Variants in PRCC observed in about 807,000 individuals in gnomAD.
The protein encoded by PRCC is proline rich mitotic checkpoint control factor.
Under a neutral mutation model 44.0 loss-of-function variants are expected in PRCC, and 10 were observed. The observed-to-expected ratio is 0.23, with a 90% CI of 0.14 to 0.39. The LOEUF (loss-of-function observed/expected upper bound fraction) is 0.39. Among genes scored for constraint, PRCC ranks in the 10% least tolerant of loss-of-function variants. The pLI is 1.00. For missense variants in PRCC, 573 were observed against 624.7 expected, an observed-to-expected ratio of 0.92 and a Z score of 0.88; for synonymous variants, 278 against 259.5, an observed-to-expected ratio of 1.07 and a Z score of -0.69.
intron 1 of PRCC, among the ~76,000 whole-genome samples, chr1:156,778,826 T>G (rs1289779079): frequency 6.8e-6 from 1 of 146,990 alleles, no homozygotes; most frequent in Admixed American, 6.8e-5. Flanking sequence ...TTAGATGGAG[T>G]TTTGCTCTTG....
At chr1:156,775,355 GT>G (rs879585465) in intron 1 of PRCC, among the ~76,000 whole-genome samples, 81 of 142,122 alleles carry the variant, frequency 5.7e-4, no homozygotes, top group Non-Finnish European at 7.6e-4. Context: ...TCTTTCTTTT[GT>G]TTTTTTTTTT....
intron 5 of PRCC, among the ~76,000 whole-genome samples, chr1:156,795,097 C>T (rs1366101129): frequency 6.6e-6 from 1 of 152,112 alleles, no homozygotes; most frequent in African/African-American, 2.4e-5. Flanking sequence ...TCAGGCTGCA[C>T]AGAATCCACA....
At chr1:156,775,884 C>T (rs985019256) in intron 1 of PRCC, among the ~76,000 whole-genome samples, 3 of 152,196 alleles carry the variant, frequency 2.0e-5, no homozygotes, top group Non-Finnish European at 2.9e-5. Flanking sequence ...TGGGCTCAAG[C>T]AGTCCTCCCA....
In PRCC at chr1:156,786,688, C is replaced by T. The variant is rs1211496271; in HGVS notation, c.597C>T (p.Leu199=). 6.2e-7 allele frequency: 1 copy of T among 1,614,194 alleles called. No homozygotes were observed. The part of the protein sequence containing the change: ...NLTVKETNRL[L]LPHAFSRKPS... ...CTGTGAAAGAGACTAACAGGTTGCT[C>T]CTGCCCCATGCCTTCTCCCGCAAAC... Residue 199 remains leucine (L), a synonymous_variant, in exon 3 of 7, where the codon CTC becomes CTT. Coordinates refer to ENST00000271526, the MANE Select transcript of PRCC (RefSeq NM_005973.5).
At chr1:156,791,490 T>C in intron 3 of PRCC, 1 of 581,554 alleles carries the variant, frequency 1.7e-6, no homozygotes, top group Non-Finnish European at 3.1e-6. Flanking sequence ...CTGGATAGTG[T>C]AGATGAGAAA....
chr1:156,775,044 C>A (rs900798003), intron 1 of PRCC, among the ~76,000 whole-genome samples: 1 of 151,382 alleles, frequency 6.6e-6, no homozygotes, highest in Non-Finnish European at 1.5e-5. Context: ...GTCAGGAGAT[C>A]GAGAGCATCC....
intron 6 of PRCC, 27 bp from the exon 7 acceptor site, chr1:156,800,347 C>A: frequency 6.2e-7 from 1 of 1,609,688 alleles, no homozygotes; most frequent in South Asian, 1.1e-5. Context: ...CAGTTTGACC[C>A]TCCCCTACCC....
Position 156,786,398 on chromosome 1 carries a change from C to T in PRCC, c.517-210C>T, listed in dbSNP as rs2102765025. Among the ~76,000 whole-genome samples the T allele has an allele frequency of 2.6e-5, 4 of 152,264 alleles. No homozygotes were observed. In the South Asian group the frequency reaches 8.3e-4, roughly 32 times the overall value. On this transcript the variant is annotated intron_variant, in intron 2 of 6. Coordinates refer to ENST00000271526, the MANE Select transcript of PRCC (RefSeq NM_005973.5). ...GGAAGAGAAGAGGAATGATACCTCACCTTGGGAGAAGCAGCCCGCAGAAAG... is the reference window on the plus strand; with the variant it reads ...GGAAGAGAAGAGGAATGATACCTCATCTTGGGAGAAGCAGCCCGCAGAAAG...
At chr1:156,787,652 T>TTTTTC (rs1283956616) in intron 3 of PRCC, among the ~76,000 whole-genome samples, 52 of 3,642 alleles carry the variant, frequency 0.014, 7 homozygotes, top group Admixed American at 0.14. Flanking sequence ...TTTTTGGCCT[T>TTTTTC]TTTTTTTTTT....
intron 1 of PRCC, among the ~76,000 whole-genome samples, chr1:156,775,582 CT>C: frequency 6.6e-6 from 1 of 151,124 alleles, no homozygotes; most frequent in Non-Finnish European, 1.5e-5. Context: ...GCAATCTCAG[CT>C]CACTGCAACC....
chr1:156,768,675 ATCAGGCC>A (rs1651512697), intron 1 of PRCC, among the ~76,000 whole-genome samples: 1 of 152,226 alleles, frequency 6.6e-6, no homozygotes, highest in East Asian at 1.9e-4. Flanking sequence ...ACTCAAAAGC[ATCAGGCC>A]TGGAGGAAAA....
At chr1:156,794,449 T>C (rs1241919311) in intron 4 of PRCC, among the ~76,000 whole-genome samples, 1 of 152,186 alleles carries the variant, frequency 6.6e-6, no homozygotes, top group Non-Finnish European at 1.5e-5. Context: ...ACCTCTTAGC[T>C]TCCCTTTTCC....
At chr1:156,776,349 A>T (rs1651827430) in intron 1 of PRCC, among the ~76,000 whole-genome samples, 1 of 152,230 alleles carries the variant, frequency 6.6e-6, no homozygotes, top group Non-Finnish European at 1.5e-5. Context: ...CAGCCTGGGC[A>T]CAACAGAGCA....
intron 2 of PRCC, among the ~76,000 whole-genome samples, chr1:156,785,781 A>G (rs2102764565): frequency 6.7e-6 from 1 of 149,118 alleles, no homozygotes; most frequent in South Asian, 2.1e-4. Context: ...GGTCTCGCTC[A>G]GGGTTAGCTT....
At chr1:156,775,601 C>T (rs369821009) in intron 1 of PRCC, among the ~76,000 whole-genome samples, 1 of 151,590 alleles carries the variant, frequency 6.6e-6, no homozygotes, top group Non-Finnish European at 1.5e-5. Context: ...ACCGCCGCCT[C>T]CCGGGTTCAA....
chr1:156,786,496 G>C (rs1558051174), intron 2 of PRCC, 112 bp from the exon 3 acceptor site: 5 of 1,133,714 alleles, frequency 4.4e-6, no homozygotes, highest in Non-Finnish European at 6.2e-6. Flanking sequence ...ACAAGGGCTG[G>C]TAAGATTTTA....
intron 4 of PRCC, among the ~76,000 whole-genome samples, chr1:156,793,787 C>T (rs966068527): frequency 2.6e-5 from 4 of 151,890 alleles, no homozygotes; most frequent in East Asian, 1.9e-4. Context: ...CCACCACACC[C>T]GGCTAATTTT....
intron 1 of PRCC, among the ~76,000 whole-genome samples, chr1:156,776,463 TAG>T (rs34667125): frequency 0.26 from 38,274 of 144,908 alleles, 4,917 homozygotes; most frequent in Middle Eastern, 0.35. Context: ...GAAGTCTTTA[TAG>T]AGGTTTTTTT....
intron 3 of PRCC, among the ~76,000 whole-genome samples, chr1:156,788,803 A>G (rs922463763): frequency 2.0e-5 from 3 of 151,192 alleles, no homozygotes; most frequent in African/African-American, 7.3e-5. Context: ...TTTGGATTAC[A>G]GGCATGCGCC....
Sources: allele counts gnomAD v4.1 joint callset (sites outside exome capture counted in the v4.1 genomes callset), GRCh38; gene constraint gnomAD v4.1.1; transcripts MANE v1.5; gene names NCBI Gene and HGNC (gene_info 2026-07-23, HGNC 2026-07-21).